The following DGKI variants were observed in gnomAD, a reference collection of about 807,000 sequenced individuals.
The protein encoded by DGKI is DAG kinase iota.
In DGKI, 55 loss-of-function variants were observed where a neutral mutation model predicts 147.5. That is an observed-to-expected ratio of 0.37 (90% CI 0.30 to 0.47). DGKI has a LOEUF of 0.47. Among genes scored for constraint, DGKI ranks in the 20% least tolerant of loss-of-function variants. The pLI is 1.00. For synonymous variants in DGKI, 469 were observed against 477.1 expected (o/e 0.98, Z 0.22); for missense variants, 1,007 against 1,323.8 (o/e 0.76, Z 3.71).
intron 29 of DGKI, 136 bp from the exon 30 acceptor site, chr7:137,408,131 G>A: frequency 2.0e-6 from 2 of 1,014,976 alleles, no homozygotes; most frequent in Non-Finnish European, 2.8e-6. Context: ...AAGTCAAAAA[G>A]GTGAAGTAAC....
rs1156891729 is a variant in DGKI at position 137,618,151 on chromosome 7, A to ATT, written c.993+1671_993+1672dup. On this transcript the variant is annotated intron_variant, in intron 8 of 32. Transcript: ENST00000614521. ...ACTATATATATATATATATATATAT[A>ATT]TTTTTTTTTTTTTACTCTATCATTC... is the stretch of plus-strand genomic sequence containing the variant. 5.3e-3 allele frequency among the ~76,000 whole-genome samples: 55 copies of ATT among 10,444 alleles called. 1 individual carries two copies. The highest frequency in any genetic ancestry group is 0.018 in the Non-Finnish European group (30 of 1,646). 6.9% of individuals were successfully genotyped at this position (10,444 alleles called of 152,430 possible). A position where few individuals can be genotyped will look rare whatever the true frequency, so the allele number is the denominator to read the frequency against.
chr7:137,464,537 C>T (rs1254820829), intron 26 of DGKI, among the ~76,000 whole-genome samples: 2 of 152,156 alleles, frequency 1.3e-5, no homozygotes, highest in Admixed American at 1.3e-4. Flanking sequence ...CATCAGGTTA[C>T]CCCTTGTGCC....
rs180718187 is a variant in DGKI at position 137,525,637 on chromosome 7, C to A, written c.2148-3671G>T. ...GGTAAAGTGGAGATGATATCAGTATCCACCTCATAGGCATATTAAGAGAAT... is the reference window on the plus strand; with the variant it reads ...GGTAAAGTGGAGATGATATCAGTATACACCTCATAGGCATATTAAGAGAAT... On this transcript the variant is annotated intron_variant, in intron 20 of 32. Coordinates refer to ENST00000614521, the MANE Select transcript of DGKI (RefSeq NM_001321708.2). Among the ~76,000 whole-genome samples the A allele has an allele frequency of 1.2e-3, 179 of 152,248 alleles. 1 individual carries two copies. The highest frequency in any genetic ancestry group is 4.2e-3 in the African/African-American group (175 of 41,552).
intron 20 of DGKI, among the ~76,000 whole-genome samples, chr7:137,550,590 T>C (rs1204732536): frequency 8.5e-5 from 13 of 152,186 alleles, no homozygotes. Context: ...AAAATTCTTT[T>C]TATGTGCTTC....
At chr7:137,701,744 A>G (rs1823990924) in intron 1 of DGKI, among the ~76,000 whole-genome samples, 1 of 152,166 alleles carries the variant, frequency 6.6e-6, no homozygotes, top group Non-Finnish European at 1.5e-5. Context: ...TACTACTAAC[A>G]TTAAGATATC....
At chr7:137,698,953 A>T (rs1056058525) in intron 1 of DGKI, among the ~76,000 whole-genome samples, 1 of 152,162 alleles carries the variant, frequency 6.6e-6, no homozygotes, top group African/African-American at 2.4e-5. Context: ...CAATGGACTA[A>T]ATGCTGTCCA....
At position 137,703,406 on chromosome 7, in the gene DGKI, C is replaced by T. The variant is rs62490508; in HGVS notation, c.402-13404G>A. 2.1e-3 allele frequency among the ~76,000 whole-genome samples: 321 copies of T among 152,262 alleles called. 1 individual carries two copies. The highest frequency in any genetic ancestry group is 3.4e-3 in the Middle Eastern group (1 of 294). On this transcript the variant is annotated intron_variant, in intron 1 of 32. Coordinates refer to ENST00000614521, the MANE Select transcript of DGKI (RefSeq NM_001321708.2). Reference sequence around the variant, plus strand: ...CCATGTATAAGACTGTACACATGCTCAGGAAAAATCTGAGAAGGCCCTAAT... The same window carrying T: ...CCATGTATAAGACTGTACACATGCTTAGGAAAAATCTGAGAAGGCCCTAAT...
intron 21 of DGKI, among the ~76,000 whole-genome samples, chr7:137,518,579 G>A (rs1816858610): frequency 6.6e-6 from 1 of 151,976 alleles, no homozygotes; most frequent in African/African-American, 2.4e-5. Flanking sequence ...TATCCTTATA[G>A]ACTACATCTG....
At chr7:137,414,589 A>C (rs1251892741) in intron 28 of DGKI, among the ~76,000 whole-genome samples, 1 of 152,050 alleles carries the variant, frequency 6.6e-6, no homozygotes, top group Non-Finnish European at 1.5e-5. Flanking sequence ...TTCCTTTTAT[A>C]AATGTCCATA....
intron 6 of DGKI, among the ~76,000 whole-genome samples, chr7:137,629,490 G>A (rs142826033): frequency 1.4e-4 from 21 of 152,264 alleles, no homozygotes; most frequent in Non-Finnish European, 2.6e-4. Context: ...CCAACCCTCC[G>A]AAGTTGACAA....
intron 28 of DGKI, among the ~76,000 whole-genome samples, chr7:137,416,548 T>C (rs1410114160): frequency 1.3e-5 from 2 of 152,096 alleles, no homozygotes; most frequent in Non-Finnish European, 2.9e-5. Context: ...AAGGAGTGAG[T>C]CTGACACCAA....
rs189353038 is a variant in DGKI at position 137,809,294 on chromosome 7, T to C, written c.401+37168A>G. On this transcript the variant is annotated intron_variant, in intron 1 of 32. Coordinates refer to ENST00000614521, the MANE Select transcript of DGKI (RefSeq NM_001321708.2). ...TAGCAATAATAAAGATAATAATAGCTCATACTCATTGATGTCTCGGGCACA... is the reference window on the plus strand; with the variant it reads ...TAGCAATAATAAAGATAATAATAGCCCATACTCATTGATGTCTCGGGCACA... Among the ~76,000 whole-genome samples the C allele has an allele frequency of 2.0e-5, 3 of 152,198 alleles. No homozygotes were observed. In the East Asian group the frequency reaches 5.8e-4, roughly 29 times the overall value.
chr7:137,666,861 CA>C (rs1190661167), intron 3 of DGKI, among the ~76,000 whole-genome samples: 1 of 152,192 alleles, frequency 6.6e-6, no homozygotes, highest in Admixed American at 6.5e-5. Flanking sequence ...TACCCAAGGA[CA>C]CTTCATATTT....
intron 23 of DGKI, among the ~76,000 whole-genome samples, chr7:137,483,892 A>C (rs1677546342): frequency 6.6e-6 from 1 of 152,000 alleles, no homozygotes; most frequent in Non-Finnish European, 1.5e-5. Flanking sequence ...TTGTGAAAGC[A>C]CTATGCTTTT....
chr7:137,627,545 C>T (rs11976193), intron 6 of DGKI, among the ~76,000 whole-genome samples: 2,717 of 152,220 alleles, frequency 0.018, 88 homozygotes, highest in African/African-American at 0.062. Context: ...CAGCATCCTT[C>T]CAGGCAAAAA....
In DGKI at chr7:137,846,868, G is replaced by T; in HGVS notation, c.-6C>A. On this transcript the variant is annotated 5_prime_UTR_variant, in exon 1 of 33. Transcript: ENST00000614521. The surrounding 1 kb of genome is among the most constrained non-coding windows in gnomAD (Gnocchi z 4.0). Reference sequence around the variant, plus strand: ...CCCCTTCCCGCAGCATCCATCCGCGGCTGCACCGCACCGGGGCATTGTGGG... The same window carrying T: ...CCCCTTCCCGCAGCATCCATCCGCGTCTGCACCGCACCGGGGCATTGTGGG... 8.6e-7 allele frequency: 1 copy of T among 1,158,738 alleles called. No individual in the cohort carries two copies. The highest frequency in any genetic ancestry group is 1.6e-5 in the African/African-American group (1 of 62,012). 71.8% of individuals were successfully genotyped at this position (1,158,738 alleles called of 1,614,324 possible). A position where few individuals can be genotyped will look rare whatever the true frequency, so the allele number is the denominator to read the frequency against.
chr7:137,641,722 C>A (rs777052420), intron 6 of DGKI, among the ~76,000 whole-genome samples: 1 of 152,172 alleles, frequency 6.6e-6, no homozygotes, highest in Admixed American at 6.5e-5. Flanking sequence ...GTGTATACTG[C>A]ATTTAAAACT....
intron 1 of DGKI, among the ~76,000 whole-genome samples, chr7:137,825,654 TCA>T (rs1798035300): frequency 6.7e-6 from 1 of 150,266 alleles, no homozygotes; most frequent in Non-Finnish European, 1.5e-5. Flanking sequence ...TCACACGCAC[TCA>T]CACACATACA....
At chr7:137,460,423 A>G (rs1585135451) in intron 27 of DGKI, among the ~76,000 whole-genome samples, 1 of 152,236 alleles carries the variant, frequency 6.6e-6, no homozygotes, top group Admixed American at 6.5e-5. Context: ...ATATATCAAT[A>G]TGAATGAATT....
Sources: gnomAD v4.1 joint callset for allele counts (sites outside exome capture counted in the v4.1 genomes callset) on GRCh38, gnomAD v4.1.1 for gene constraint, Gnocchi (gnomAD v3.1) non-coding constraint, MANE v1.5 for transcripts, NCBI Gene and HGNC (gene_info 2026-07-23, HGNC 2026-07-21) for gene names.